Variants in FRMD4A observed in about 807,000 individuals in gnomAD.
FRMD4A encodes the protein FERM domain containing 4A.
FRMD4A carries 29 observed loss-of-function variants against 129.1 expected under a neutral mutation model. The ratio of observed to expected loss-of-function variants is 0.22; its 90% CI spans 0.17 to 0.31. The LOEUF is 0.31. Ranked by LOEUF, FRMD4A falls within the 10% of genes least tolerant of loss-of-function variation. FRMD4A has a pLI of 1.00. For missense variants in FRMD4A, 1,272 were observed against 1,375.8 expected, an observed-to-expected ratio of 0.92 and a Z score of 1.19; for synonymous variants, 634 against 571.6, an observed-to-expected ratio of 1.11 and a Z score of -1.56.
intron 2 of FRMD4A, among the ~76,000 whole-genome samples, chr10:14,084,727 C>A (rs914700764): frequency 1.3e-5 from 2 of 152,180 alleles, no homozygotes; most frequent in African/African-American, 4.8e-5. Context: ...AGCTACCAGA[C>A]AACTAGGACC....
At chr10:14,236,343 G>A (rs1188241896) in intron 2 of FRMD4A, among the ~76,000 whole-genome samples, 1 of 152,206 alleles carries the variant, frequency 6.6e-6, no homozygotes, top group Non-Finnish European at 1.5e-5. Flanking sequence ...CAAGGAAAGA[G>A]GTGTGATTGG....
At chr10:13,814,607 AGAAAG>A (rs2093507525) in intron 3 of FRMD4A, among the ~76,000 whole-genome samples, 1 of 124,230 alleles carries the variant, frequency 8.0e-6, no homozygotes, top group South Asian at 2.7e-4. Context: ...AAAAAAAAAA[AGAAAG>A]AAAGGGAAAG....
intron 2 of FRMD4A, among the ~76,000 whole-genome samples, chr10:14,184,491 T>TA (rs74437382): frequency 0.25 from 38,141 of 150,600 alleles, 4,960 homozygotes; most frequent in Admixed American, 0.31. Context: ...TCTATTATGT[T>TA]AAAAAAAATG....
chr10:13,817,987 C>T lies in FRMD4A; in HGVS notation c.112-7079G>A, dbSNP rs575501400. On this transcript the variant is annotated intron_variant, in intron 3 of 24. Coordinates refer to ENST00000357447, the MANE Select transcript of FRMD4A (RefSeq NM_018027.5). ...TACAGTATCAAGCTCTAAATGCTAGCCTGGTATTTACCATCACTTATATAT... is the reference window on the plus strand; with the variant it reads ...TACAGTATCAAGCTCTAAATGCTAGTCTGGTATTTACCATCACTTATATAT... Among the ~76,000 whole-genome samples the T allele has an allele frequency of 1.1e-3, 172 of 152,262 alleles. 2 individuals are homozygous for T. Among genetic ancestry groups the T allele is most frequent in the African/African-American group, 4.0e-3 (166 of 41,546 alleles).
chr10:13,794,568 T>C lies in FRMD4A; in HGVS notation c.299+1928A>G, dbSNP rs922326075. Among the ~76,000 whole-genome samples, 4 of 152,016 alleles carry C rather than the reference T, an allele frequency of 2.6e-5. No individual in the cohort carries two copies. The East Asian group carries it at 5.8e-4, about 22-fold the overall frequency. The stretch of plus-strand genomic sequence containing the variant: ...TTTGGACCTGCTGAGTTTGAAGTAC[T>C]CAGGTGGGGCTCTGCAGGAAACAAG... On this transcript the variant is annotated intron_variant, in intron 5 of 24. Coordinates refer to ENST00000357447, the MANE Select transcript of FRMD4A (RefSeq NM_018027.5).
intron 2 of FRMD4A, among the ~76,000 whole-genome samples, chr10:14,198,117 A>T (rs1439856791): frequency 2.6e-5 from 4 of 152,206 alleles, no homozygotes; most frequent in African/African-American, 7.2e-5. Flanking sequence ...CCCAGAGCGT[A>T]TTAGCTGAGA....
intron 2 of FRMD4A, among the ~76,000 whole-genome samples, chr10:14,323,114 G>T (rs1218436): frequency 6.6e-6 from 1 of 152,156 alleles, no homozygotes. Context: ...TTCTAAAAGC[G>T]TTAGCTGATT....
intron 2 of FRMD4A, among the ~76,000 whole-genome samples, chr10:14,310,723 G>A (rs1048630387): frequency 5.3e-5 from 8 of 152,086 alleles, no homozygotes; most frequent in Non-Finnish European, 1.2e-4. Context: ...AGTTTTTTGC[G>A]CCCTATGCAA....
At chr10:13,879,750 CCCCT>C (rs200135277) in intron 2 of FRMD4A, among the ~76,000 whole-genome samples, 1,324 of 127,738 alleles carry the variant, frequency 0.01, 17 homozygotes, top group East Asian at 0.049. Flanking sequence ...TCCCTTCTCC[CCCCT>C]CCCCCTCCCC....
At chr10:14,061,217 G>A (rs953356154) in intron 2 of FRMD4A, among the ~76,000 whole-genome samples, 4 of 152,118 alleles carry the variant, frequency 2.6e-5, no homozygotes, top group South Asian at 2.1e-4. Context: ...AGGCCGAAGC[G>A]GGTGGACTAC....
rs141255585 is a variant in FRMD4A, at chr10:13,789,347, G to A, written c.300-6341C>T. ...GCTGTAAAATCCTTCCTCCCCGATC[G>A]GACTTCTCCTCTCTTATTTTTTTGC... On this transcript the variant is annotated intron_variant, in intron 5 of 24. Transcript: ENST00000357447. Among the ~76,000 whole-genome samples the A allele has an allele frequency of 8.5e-3, 1,299 of 152,188 alleles. 22 individuals carry two copies. Among genetic ancestry groups the A allele is most frequent in the African/African-American group, 0.03 (1,247 of 41,514 alleles).
chr10:14,127,926 C>A (rs1244800920), intron 2 of FRMD4A, among the ~76,000 whole-genome samples: 2 of 4,880 alleles, frequency 4.1e-4, no homozygotes, highest in East Asian at 2.8e-3. Context: ...TTCTTTCTTT[C>A]TTTCTTTCTT....
intron 11 of FRMD4A, among the ~76,000 whole-genome samples, 189 bp from the exon 12 acceptor site, chr10:13,738,119 G>A (rs1415248931): frequency 1.3e-5 from 2 of 152,130 alleles, no homozygotes; most frequent in African/African-American, 4.8e-5. Flanking sequence ...ATGTGAAGAG[G>A]GTGACATGGG....
intron 2 of FRMD4A, among the ~76,000 whole-genome samples, chr10:14,108,376 T>C (rs554820212): frequency 2.6e-5 from 4 of 152,342 alleles, no homozygotes; most frequent in Admixed American, 2.6e-4. Context: ...ACCAAATCTG[T>C]CTGAAGGTTC....
intron 2 of FRMD4A, among the ~76,000 whole-genome samples, chr10:14,281,930 C>G (rs1306886044): frequency 6.6e-6 from 1 of 152,174 alleles, no homozygotes; most frequent in Non-Finnish European, 1.5e-5. Flanking sequence ...CTGATAAAGA[C>G]ATACCCAGAG....
chr10:13,810,992 T>C, intron 3 of FRMD4A, 84 bp from the exon 4 acceptor site: 1 of 690,296 alleles, frequency 1.4e-6, no homozygotes, highest in Non-Finnish European at 2.5e-6. Context: ...TCCATAATTT[T>C]TTCAATGAAA....
rs1242335481 is a variant in FRMD4A, at chr10:13,859,009, G to A, written c.46-97C>T. 9.0e-6 allele frequency: 7 copies of A among 775,820 alleles called. No homozygotes were observed. The East Asian group carries it at 1.5e-4, about 16-fold the overall frequency. The allele number at this position is 775,820 out of a possible 1,614,324, so 48.1% of individuals were successfully genotyped here. ...TGCACTCTGCCAGGCATATTCCTCT[G>A]GGCAAAACTTCCTCTGGGAGTCGGC... On this transcript the variant is annotated intron_variant, in intron 2 of 24. Transcript: ENST00000357447.
At chr10:13,803,685 T>G (rs2093303980) in intron 4 of FRMD4A, among the ~76,000 whole-genome samples, 1 of 152,174 alleles carries the variant, frequency 6.6e-6, no homozygotes, top group African/African-American at 2.4e-5. Context: ...GTGAATCACT[T>G]CCTAATCTAC....
At chr10:14,006,500 A>C (rs942032449) in intron 2 of FRMD4A, among the ~76,000 whole-genome samples, 1 of 152,240 alleles carries the variant, frequency 6.6e-6, no homozygotes, top group African/African-American at 2.4e-5. Flanking sequence ...GCAAACATAC[A>C]TGATTTATTA....
Sources: gnomAD v4.1 joint callset for allele counts (sites outside exome capture counted in the v4.1 genomes callset) on GRCh38, gnomAD v4.1.1 for gene constraint, MANE v1.5 for transcripts, NCBI Gene and HGNC (gene_info 2026-07-23, HGNC 2026-07-21) for gene names.